TAFA1: variants seen among roughly 807,000 people sequenced by gnomAD.
TAFA1 encodes chemokine-like protein TAFA-1.
Under a neutral mutation model 18.5 loss-of-function variants are expected in TAFA1, and 4 were observed. The ratio of observed to expected loss-of-function variants is 0.22; its 90% CI spans 0.11 to 0.49. The LOEUF (loss-of-function observed/expected upper bound fraction) is 0.49, where lower values mean the gene tolerates loss of function less well. Ranked by LOEUF, TAFA1 falls within the 20% of genes least tolerant of loss-of-function variation. The pLI is 0.98. For missense variants in TAFA1, 147 were observed against 169.0 expected, an observed-to-expected ratio of 0.87 and a Z score of 0.72; for synonymous variants, 56 against 55.2, an observed-to-expected ratio of 1.01 and a Z score of -0.06.
chr3:68,421,385 C>G (rs1263435137), intron 3 of TAFA1, among the ~76,000 whole-genome samples: 1 of 152,096 alleles, frequency 6.6e-6, no homozygotes, highest in East Asian at 1.9e-4. Context: ...ATGGGCAAGT[C>G]TATTGTGTTG....
chr3:68,454,113 T>A (rs965790771), intron 3 of TAFA1, among the ~76,000 whole-genome samples: 5 of 152,194 alleles, frequency 3.3e-5, no homozygotes, highest in Admixed American at 1.3e-4. Flanking sequence ...TTCTGCAACT[T>A]CACAATGTGA....
At chr3:67,999,427 C>G (rs1232329233), upstream of TAFA1, among the ~76,000 whole-genome samples, 2 of 152,048 alleles carry the variant, frequency 1.3e-5, no homozygotes, top group African/African-American at 4.8e-5. Context: ...AAGCCTCTTC[C>G]CCTTTCTTAG....
intron 2 of TAFA1, among the ~76,000 whole-genome samples, chr3:68,272,712 A>G (rs565313005): frequency 1.4e-4 from 21 of 152,296 alleles, no homozygotes; most frequent in African/African-American, 4.1e-4. Context: ...TCTCAGGAAA[A>G]CATTCCTGTG....
intron 2 of TAFA1, among the ~76,000 whole-genome samples, chr3:68,358,616 C>T (rs556272617): frequency 1.3e-5 from 2 of 151,892 alleles, no homozygotes; most frequent in African/African-American, 4.8e-5. Flanking sequence ...ATTGTCTTTC[C>T]CCCATACCGC....
At chr3:68,439,441 A>ATATATATATATATG (rs1368084224) in intron 3 of TAFA1, among the ~76,000 whole-genome samples, 2 of 128,708 alleles carry the variant, frequency 1.6e-5, no homozygotes, top group Non-Finnish European at 3.4e-5. Flanking sequence ...ATATATATAT[A>ATATATATATATATG]TATGAGTTTA....
At chr3:68,370,991 C>G (rs1419070140) in intron 2 of TAFA1, among the ~76,000 whole-genome samples, 1 of 151,758 alleles carries the variant, frequency 6.6e-6, no homozygotes, top group Admixed American at 6.6e-5. Flanking sequence ...ATTGAACTAC[C>G]GTAATAATCT....
intron 3 of TAFA1, among the ~76,000 whole-genome samples, chr3:68,456,059 A>G (rs983427949): frequency 6.6e-6 from 1 of 152,170 alleles, no homozygotes; most frequent in Non-Finnish European, 1.5e-5. Flanking sequence ...ATTGTCCAAT[A>G]TTAGAAGAAC....
At chr3:68,065,261 TG>T (rs2064658957) in intron 2 of TAFA1, among the ~76,000 whole-genome samples, 1 of 152,168 alleles carries the variant, frequency 6.6e-6, no homozygotes, top group Non-Finnish European at 1.5e-5. Flanking sequence ...CAGGGGTTTT[TG>T]TTTGTTTTAA....
intron 2 of TAFA1, among the ~76,000 whole-genome samples, chr3:68,416,514 G>C (rs973067618): frequency 6.6e-6 from 1 of 152,164 alleles, no homozygotes; most frequent in African/African-American, 2.4e-5. Context: ...CTAGAGATCT[G>C]ACTTAGCTGA....
intron 2 of TAFA1, among the ~76,000 whole-genome samples, chr3:68,112,281 G>A (rs934003394): frequency 9.2e-5 from 14 of 152,066 alleles, no homozygotes; most frequent in South Asian, 6.2e-4. Flanking sequence ...AATAATTAGC[G>A]AATCGAATTC....
intron 2 of TAFA1, among the ~76,000 whole-genome samples, chr3:68,415,429 G>T (rs1369278500): frequency 6.6e-6 from 1 of 152,128 alleles, no homozygotes; most frequent in South Asian, 2.1e-4. Flanking sequence ...ATTCTCTAAG[G>T]AACTGACCTT....
chr3:68,051,841 C>T (rs941796488), intron 2 of TAFA1, among the ~76,000 whole-genome samples: 1 of 151,958 alleles, frequency 6.6e-6, no homozygotes, highest in African/African-American at 2.4e-5. Flanking sequence ...AGGTAGCTAG[C>T]TGACAAAACT....
At chr3:68,472,519 C>G (rs1312720810) in intron 3 of TAFA1, among the ~76,000 whole-genome samples, 1 of 151,930 alleles carries the variant, frequency 6.6e-6, no homozygotes, top group Non-Finnish European at 1.5e-5. Context: ...CACACACACA[C>G]ACACACACAC....
At chr3:68,127,494 AT>A (rs1406968790) in intron 2 of TAFA1, among the ~76,000 whole-genome samples, 64 of 150,548 alleles carry the variant, frequency 4.3e-4, no homozygotes, top group African/African-American at 1.5e-3. Flanking sequence ...GGTCTTGAAG[AT>A]TTTGGCTAAT....
chr3:68,058,134 A>G (rs2064558450), intron 2 of TAFA1, among the ~76,000 whole-genome samples: 2 of 152,326 alleles, frequency 1.3e-5, no homozygotes, highest in South Asian at 4.1e-4. Flanking sequence ...CTGGAACTAT[A>G]GTATAGATGC....
intron 3 of TAFA1, among the ~76,000 whole-genome samples, chr3:68,470,968 C>G (rs1473881519): frequency 6.6e-6 from 1 of 152,136 alleles, no homozygotes; most frequent in Non-Finnish European, 1.5e-5. Flanking sequence ...AAAATGTTTC[C>G]TGGCGTGGAT....
At chr3:68,081,409 T>A (rs1486894019) in intron 2 of TAFA1, among the ~76,000 whole-genome samples, 2 of 151,860 alleles carry the variant, frequency 1.3e-5, no homozygotes, top group Non-Finnish European at 2.9e-5. Context: ...GAGTTTCCAG[T>A]TTTTCTGTTC....
chr3:68,178,077 G>A (rs1413047820), intron 2 of TAFA1, among the ~76,000 whole-genome samples: 1 of 152,094 alleles, frequency 6.6e-6, no homozygotes, highest in East Asian at 1.9e-4. Flanking sequence ...CTGGGAGGCG[G>A]AGCTTGCAGT....
chr3:68,498,721 G>A (rs1849233), intron 3 of TAFA1, among the ~76,000 whole-genome samples: 31,030 of 101,502 alleles, frequency 0.31, 4,627 homozygotes, highest in East Asian at 0.6. Flanking sequence ...CCGTTTGGTG[G>A]CTTTTTTTTT....
Sources: allele counts gnomAD v4.1 joint callset (sites outside exome capture counted in the v4.1 genomes callset), GRCh38; gene constraint gnomAD v4.1.1; transcripts MANE v1.5; gene names NCBI Gene and HGNC (gene_info 2026-07-23, HGNC 2026-07-21).